The following CIRSR variants were observed in gnomAD, a reference collection of about 807,000 sequenced individuals.
The protein encoded by CIRSR is CBF1 (RBPJ) interacting corepressor 1.
chr2:174,370,789 T>C, the CIRSR span, among the ~76,000 whole-genome samples: 10 of 151,862 alleles, frequency 6.6e-5, no homozygotes, highest in East Asian at 1.9e-3. Flanking sequence ...CAGGCGCCTG[T>C]AGTCCCAGCT....
At chr2:174,392,968 T>A in the CIRSR span, among the ~76,000 whole-genome samples, 1 of 152,154 alleles carries the variant, frequency 6.6e-6, no homozygotes, top group Admixed American at 6.5e-5. Context: ...GGGGCAAGCA[T>A]ACTAAGTAAG....
At chr2:174,348,426 T>C in the CIRSR span, 1 of 1,522,754 alleles carries the variant, frequency 6.6e-7, no homozygotes. Flanking sequence ...CTAAAGGTAT[T>C]CAATAAAAAA....
chr2:174,349,204 T>A, the CIRSR span: 3 of 1,108,862 alleles, frequency 2.7e-6, no homozygotes, highest in South Asian at 1.8e-5. Flanking sequence ...TAACAGACTG[T>A]GTGAAAAACA....
At chr2:174,388,083 CAT>C in the CIRSR span, among the ~76,000 whole-genome samples, 2 of 152,270 alleles carry the variant, frequency 1.3e-5, no homozygotes, top group Non-Finnish European at 2.9e-5. Context: ...TCCTGGGCCA[CAT>C]GTGACCCACA....
At chr2:174,379,986 G>A in the CIRSR span, among the ~76,000 whole-genome samples, 2 of 151,886 alleles carry the variant, frequency 1.3e-5, no homozygotes, top group Non-Finnish European at 2.9e-5. Flanking sequence ...GCCTCCCAAA[G>A]CGCTGAAATT....
chr2:174,354,554 T>TC, the CIRSR span, among the ~76,000 whole-genome samples: 2 of 23,508 alleles, frequency 8.5e-5, no homozygotes, highest in South Asian at 4.2e-3. Flanking sequence ...TATTATATTA[T>TC]ATATATTTTA....
chr2:174,363,322 AAG>A, the CIRSR span, among the ~76,000 whole-genome samples: 1 of 152,222 alleles, frequency 6.6e-6, no homozygotes, highest in African/African-American at 2.4e-5. Context: ...TTAATCCTGA[AAG>A]AGGAGTCTTT....
At chr2:174,356,060 C>T in the CIRSR span, among the ~76,000 whole-genome samples, 8 of 152,258 alleles carry the variant, frequency 5.3e-5, no homozygotes, top group Admixed American at 4.6e-4. Flanking sequence ...GTGTGAGCCA[C>T]CACACCTGGC....
chr2:174,359,341 A>G, the CIRSR span, among the ~76,000 whole-genome samples: 1 of 152,114 alleles, frequency 6.6e-6, no homozygotes, highest in Non-Finnish European at 1.5e-5. Context: ...ACTTAAAAAA[A>G]AAAAAAAAAA....
chr2:174,353,171 A>G, the CIRSR span, among the ~76,000 whole-genome samples: 1 of 152,178 alleles, frequency 6.6e-6, no homozygotes, highest in African/African-American at 2.4e-5. Context: ...AAAACTGTCT[A>G]TTATTGGAGT....
the CIRSR span, among the ~76,000 whole-genome samples, chr2:174,356,334 C>T: frequency 6.6e-6 from 1 of 151,672 alleles, no homozygotes; most frequent in African/African-American, 2.4e-5. Context: ...GCCGTGGTGG[C>T]GCACATGCCT....
At chr2:174,382,177 A>C in the CIRSR span, among the ~76,000 whole-genome samples, 1 of 152,214 alleles carries the variant, frequency 6.6e-6, no homozygotes, top group African/African-American at 2.4e-5. Context: ...ATTGTAAGGG[A>C]TCAAACGGTT....
the CIRSR span, chr2:174,395,457 T>C: frequency 8.0e-7 from 1 of 1,246,790 alleles, no homozygotes; most frequent in African/African-American, 1.5e-5. Flanking sequence ...GAGGCTGTCC[T>C]AGGGATCTCA....
At chr2:174,351,805 A>T in the CIRSR span, 1 of 941,802 alleles carries the variant, frequency 1.1e-6, no homozygotes, top group Non-Finnish European at 1.6e-6. Flanking sequence ...AATGCAGTTG[A>T]AGCTTTGTTA....
chr2:174,388,456 C>T, the CIRSR span, among the ~76,000 whole-genome samples: 1 of 152,224 alleles, frequency 6.6e-6, no homozygotes, highest in Admixed American at 6.5e-5. Flanking sequence ...CTGCCTCAGC[C>T]TCCCCAAGTG....
the CIRSR span, chr2:174,348,761 T>A: frequency 6.2e-7 from 1 of 1,614,176 alleles, no homozygotes; most frequent in Non-Finnish European, 8.5e-7. Context: ...CTGGGCTATG[T>A]TTATGGGTTC....
the CIRSR span, among the ~76,000 whole-genome samples, chr2:174,388,363 T>C: frequency 6.6e-6 from 1 of 152,000 alleles, no homozygotes; most frequent in African/African-American, 2.4e-5. Flanking sequence ...CACACCAAAC[T>C]AATTTTTTTG....
the CIRSR span, among the ~76,000 whole-genome samples, chr2:174,376,520 G>A: frequency 9.9e-5 from 15 of 152,048 alleles, no homozygotes; most frequent in Non-Finnish European, 7.4e-5. Context: ...CTGGAGGGCC[G>A]GGCGCGGTGG....
chr2:174,378,067 A>AG, the CIRSR span, among the ~76,000 whole-genome samples: 3 of 152,274 alleles, frequency 2.0e-5, no homozygotes, highest in South Asian at 6.2e-4. Context: ...GTGGCCTGAG[A>AG]GGACAGGGCT....
Sources: gnomAD v4.1 joint callset for allele counts (sites outside exome capture counted in the v4.1 genomes callset) on GRCh38, gnomAD v4.1.1 for gene constraint, MANE v1.5 for transcripts, NCBI Gene and HGNC (gene_info 2026-07-23, HGNC 2026-07-21) for gene names.